The following RFTN1 variants were observed in gnomAD, a reference collection of about 807,000 sequenced individuals.
The protein encoded by RFTN1 is raftlin.
Under a neutral mutation model 46.5 loss-of-function variants are expected in RFTN1, and 26 were observed. The ratio of observed to expected loss-of-function variants is 0.56; its 90% confidence interval spans 0.41 to 0.78. The LOEUF (loss-of-function observed/expected upper bound fraction) is 0.78. Among genes scored for constraint, RFTN1 ranks in the 30% least tolerant of loss-of-function variants. The pLI is 0.00. For synonymous variants in RFTN1, 261 were observed against 284.2 expected, an observed-to-expected ratio of 0.92 and a Z score of 0.82; for missense variants, 693 against 718.7, an observed-to-expected ratio of 0.96 and a Z score of 0.41.
intron 9 of RFTN1, among the ~76,000 whole-genome samples, chr3:16,319,060 T>C (rs547685985): frequency 2.0e-5 from 3 of 152,332 alleles, no homozygotes; most frequent in Admixed American, 6.5e-5. Context: ...CACCGTGTTA[T>C]GGTTCGTAAC....
At chr3:16,405,147 G>C (rs1446978169) in intron 4 of RFTN1, among the ~76,000 whole-genome samples, 4 of 152,126 alleles carry the variant, frequency 2.6e-5, no homozygotes, top group African/African-American at 9.7e-5. Context: ...GGAGCCCTGA[G>C]GAGTGGGAAA....
chr3:16,405,859 C>A (rs2074844602), intron 4 of RFTN1, among the ~76,000 whole-genome samples: 1 of 152,102 alleles, frequency 6.6e-6, no homozygotes, highest in Non-Finnish European at 1.5e-5. Context: ...ATCTACTTGT[C>A]ATAGGAACGG....
rs141355379 is a variant in RFTN1 at position 16,319,514 on chromosome 3, C to T, written c.1333-2282G>A. On this transcript the variant is annotated intron_variant, in intron 9 of 9. Coordinates refer to ENST00000334133, the MANE Select transcript of RFTN1 (RefSeq NM_015150.2). Reference sequence around the variant, plus strand: ...TTCATATTGTATTTGATGTGAATAGCGCCCTCTGCTGTTGTGCAGTGTACA... The same window carrying T: ...TTCATATTGTATTTGATGTGAATAGTGCCCTCTGCTGTTGTGCAGTGTACA... Among the ~76,000 whole-genome samples the T allele has an allele frequency of 9.8e-4, 149 of 152,274 alleles. 1 individual carries two copies. Among genetic ancestry groups the T allele is most frequent in the African/African-American group, 3.2e-3 (135 of 41,562 alleles).
At chr3:16,510,246 C>T (rs972888262) in intron 1 of RFTN1, among the ~76,000 whole-genome samples, 73 of 152,202 alleles carry the variant, frequency 4.8e-4, no homozygotes, top group African/African-American at 1.6e-3. Context: ...CTGACCAAGC[C>T]GGTGAAATCC....
At chr3:16,419,261 C>A (rs1203450514) in intron 3 of RFTN1, among the ~76,000 whole-genome samples, 1 of 151,980 alleles carries the variant, frequency 6.6e-6, no homozygotes, top group African/African-American at 2.4e-5. Flanking sequence ...TCTGCAGTGA[C>A]CGGGGCAGAA....
chr3:16,441,060 G>C (rs150899768), intron 2 of RFTN1, among the ~76,000 whole-genome samples: 193 of 151,998 alleles, frequency 1.3e-3, no homozygotes, highest in African/African-American at 4.4e-3. Flanking sequence ...TTCTATATTG[G>C]CACTGAGATG....
At position 16,400,685 on chromosome 3, in the gene RFTN1, A is replaced by G. The variant is rs539014953; in HGVS notation, c.441+8690T>C. Among the ~76,000 whole-genome samples the G allele has an allele frequency of 6.6e-6, 1 of 152,168 alleles. No homozygotes were observed. The highest frequency in any genetic ancestry group is 1.9e-4 in the East Asian group (1 of 5,182). On this transcript the variant is annotated intron_variant, in intron 4 of 9. Transcript: ENST00000334133. This position sits in a 1 kb window ranked among gnomAD's most constrained non-coding sequence, Gnocchi z 4.5. ...GGGGAGTGATTGAGACAAGCGTATG[A>G]CCCCTTCCCTCCCTCCGGCTTAAAT...
chr3:16,368,723 A>G (rs1034955405), intron 6 of RFTN1, among the ~76,000 whole-genome samples: 41 of 148,550 alleles, frequency 2.8e-4, no homozygotes, highest in South Asian at 2.3e-4. Flanking sequence ...CTGACCAAGT[A>G]CACACTGACC....
intron 1 of RFTN1, among the ~76,000 whole-genome samples, chr3:16,494,521 A>G (rs1672330933): frequency 6.6e-6 from 1 of 152,236 alleles, no homozygotes; most frequent in Admixed American, 6.5e-5. Context: ...TCTTAGACCA[A>G]AATGAAAACT....
rs1416777069 is a variant in RFTN1 at position 16,499,429 on chromosome 3, C to T, written c.-8-5552G>A. On this transcript the variant is annotated intron_variant, in intron 1 of 9. Transcript: ENST00000334133. This position sits in a 1 kb window ranked among gnomAD's most constrained non-coding sequence, Gnocchi z 4.9. ...CCAGCCACCATGCCATGAGGAAGCT[C>T]AAGTAGCCCCAAAGAGGGGCCCATG... 6.6e-6 allele frequency among the ~76,000 whole-genome samples: 1 copy of T among 152,196 alleles called. No individual in the cohort carries two copies. Among genetic ancestry groups the T allele is most frequent in the Non-Finnish European group, 1.5e-5 (1 of 68,036 alleles).
intron 2 of RFTN1, among the ~76,000 whole-genome samples, chr3:16,487,355 A>T (rs1005171823): frequency 6.6e-6 from 1 of 152,238 alleles, no homozygotes; most frequent in Non-Finnish European, 1.5e-5. Flanking sequence ...GTTATGACTT[A>T]GAGACACAGA....
intron 2 of RFTN1, among the ~76,000 whole-genome samples, chr3:16,491,466 C>T (rs1178747715): frequency 6.6e-6 from 1 of 152,138 alleles, no homozygotes; most frequent in African/African-American, 2.4e-5. Context: ...CGTGGGATAT[C>T]CCCCAGTGTT....
rs1382954130 is a variant in RFTN1 at position 16,452,636 on chromosome 3, C to A, written c.146-18599G>T. ...AAAAATAATTCCCTGTTCCAACCAACCTTTTTGATTTACTGACCAATTATG... is the reference window on the plus strand; with the variant it reads ...AAAAATAATTCCCTGTTCCAACCAAACTTTTTGATTTACTGACCAATTATG... On this transcript the variant is annotated intron_variant, in intron 2 of 9. Transcript: ENST00000334133. This position sits in a 1 kb window ranked among gnomAD's most constrained non-coding sequence, Gnocchi z 6.3. Among the ~76,000 whole-genome samples, 6 of 152,304 alleles carry A rather than the reference C, an allele frequency of 3.9e-5. No individual in the cohort carries two copies. In the East Asian group the frequency reaches 9.6e-4, roughly 24 times the overall value.
At position 16,427,918 on chromosome 3, in the gene RFTN1, C is replaced by T. The variant is rs567109603; in HGVS notation, c.332+5933G>A. On this transcript the variant is annotated intron_variant, in intron 3 of 9. Transcript: ENST00000334133. The surrounding 1 kb of genome is among the most constrained non-coding windows in gnomAD (Gnocchi z 5.4). ...TGCCCAACCTAGAGCAAATGACAGC[C>T]GCAGAGCCTCCTCTTCTAAAGCACT... Among the ~76,000 whole-genome samples, 15 of 152,258 alleles carry T rather than the reference C, an allele frequency of 9.9e-5. No homozygotes were observed. The highest frequency in any genetic ancestry group is 1.8e-4 in the Non-Finnish European group (12 of 68,008).
chr3:16,399,386 G>A (rs2074549992), intron 4 of RFTN1, among the ~76,000 whole-genome samples: 1 of 152,180 alleles, frequency 6.6e-6, no homozygotes, highest in Admixed American at 6.5e-5. Flanking sequence ...TTTGGATCAT[G>A]CCTCACAAAA....
rs1323208004 is a variant in RFTN1 at position 16,361,372 on chromosome 3, TA to T, written c.1031-3326del. 3.3e-5 allele frequency among the ~76,000 whole-genome samples: 5 copies of T among 152,178 alleles called. No homozygotes were observed. The East Asian group carries it at 7.7e-4, about 24-fold the overall frequency. On this transcript the variant is annotated intron_variant, in intron 6 of 9. Coordinates refer to ENST00000334133, the MANE Select transcript of RFTN1 (RefSeq NM_015150.2). The surrounding 1 kb of genome is among the most constrained non-coding windows in gnomAD (Gnocchi z 4.3). ...CAAGCAGCAAGATAAAGTCCCTGCCTACATGAAGCTTACCTTGCAGTGGAGG... is the reference window on the plus strand; with the variant it reads ...CAAGCAGCAAGATAAAGTCCCTGCCTCATGAAGCTTACCTTGCAGTGGAGG...
In RFTN1 at chr3:16,376,397, C is replaced by T. The variant is rs1287105454; in HGVS notation, c.826+1321G>A. On this transcript the variant is annotated intron_variant, in intron 5 of 9. Coordinates refer to ENST00000334133, the MANE Select transcript of RFTN1 (RefSeq NM_015150.2). This position sits in a 1 kb window ranked among gnomAD's most constrained non-coding sequence, Gnocchi z 4.7. The stretch of plus-strand genomic sequence containing the variant: ...CTGCCCTTTCTCCTGGGGGCCTCTG[C>T]CTGGCCTGACTCTCGCCCTCCCACA... 6.6e-6 allele frequency among the ~76,000 whole-genome samples: 1 copy of T among 152,140 alleles called. No individual in the cohort carries two copies. The highest frequency in any genetic ancestry group is 2.4e-5 in the African/African-American group (1 of 41,430).
chr3:16,494,471 GCA>G (rs2076593100), intron 1 of RFTN1, among the ~76,000 whole-genome samples: 1 of 152,116 alleles, frequency 6.6e-6, no homozygotes, highest in Non-Finnish European at 1.5e-5. Context: ...AGACCAAACT[GCA>G]GGAAATAATT....
intron 2 of RFTN1, among the ~76,000 whole-genome samples, chr3:16,469,786 G>C (rs556491761): frequency 2.0e-5 from 3 of 152,192 alleles, no homozygotes; most frequent in Non-Finnish European, 4.4e-5. Flanking sequence ...GCACTGACTG[G>C]ACACAAAGCC....
Sources: allele counts gnomAD v4.1 joint callset (sites outside exome capture counted in the v4.1 genomes callset), GRCh38; gene constraint gnomAD v4.1.1; non-coding constraint Gnocchi (gnomAD v3.1); transcripts MANE v1.5; gene names NCBI Gene and HGNC (gene_info 2026-07-23, HGNC 2026-07-21).